DHX57: variants seen among roughly 807,000 people sequenced by gnomAD.
The protein encoded by DHX57 is DExH-box helicase 57.
Under a neutral mutation model 156.2 loss-of-function variants are expected in DHX57, and 105 were observed. The observed-to-expected ratio is 0.67, with a 90% CI of 0.57 to 0.79. The LOEUF (loss-of-function observed/expected upper bound fraction) is 0.79. DHX57 is among the 30% of genes least tolerant of loss of function. The pLI is 0.00. For synonymous variants in DHX57, 704 were observed against 595.6 expected (o/e 1.18, Z -2.65); for missense variants, 1,847 against 1,661.9 (o/e 1.11, Z -1.94).
intron 9 of DHX57, among the ~76,000 whole-genome samples, chr2:38,848,868 AAG>A (rs1672429862): frequency 6.6e-6 from 1 of 152,214 alleles, no homozygotes; most frequent in Non-Finnish European, 1.5e-5. Context: ...GTCAGCACTC[AAG>A]AAGTTTCAGA....
chr2:38,848,199 T>C (rs1672389895), intron 10 of DHX57, 70 bp downstream of exon 10: 3 of 1,422,620 alleles, frequency 2.1e-6, no homozygotes, highest in Non-Finnish European at 2.8e-6. Flanking sequence ...TATCTACTTA[T>C]GTCTCAAACT....
intron 19 of DHX57, chr2:38,816,042 A>G (rs551903486): frequency 4.6e-5 from 21 of 459,024 alleles, no homozygotes; most frequent in South Asian, 3.3e-4. Flanking sequence ...GGCACTGTCT[A>G]CTACCTAGCT....
In DHX57 at chr2:38,868,354, C is replaced by T; in HGVS notation, c.52G>A (p.Gly18Arg). 6.2e-7 allele frequency: 1 copy of T among 1,613,854 alleles called. No homozygotes were observed. The highest frequency in any genetic ancestry group is 8.5e-7 in the Non-Finnish European group (1 of 1,180,026). The change falls in exon 2 of 24, where the codon GGG becomes AGG. Residue 18 changes from glycine to arginine, a missense_variant. Transcript: ENST00000457308. ...CCTCCTCTTCCTCCTCTAGAAGACC[C>T]TTTTCCACCTCCTTTGCCTGGCTTG... ...KGKPGKGGGK[G>R]SSRGGRGGRS...
chr2:38,799,966 T>A lies in DHX57; in HGVS notation c.4018-1524A>T, dbSNP rs142415458. Among the ~76,000 whole-genome samples the A allele has an allele frequency of 7.6e-3, 1,156 of 152,010 alleles. 9 individuals carry two copies. The highest frequency in any genetic ancestry group is 0.013 in the Non-Finnish European group (904 of 67,980). On this transcript the variant is annotated intron_variant, in intron 23 of 23. Coordinates refer to ENST00000457308, the MANE Select transcript of DHX57 (RefSeq NM_198963.3). Reference sequence around the variant, plus strand: ...ACTTTGGGAGGCCAAGGCGGGCAGATCACCTGAGGTCGGGAGTTCAAGACC... The same window carrying A: ...ACTTTGGGAGGCCAAGGCGGGCAGAACACCTGAGGTCGGGAGTTCAAGACC...
At position 38,803,996 on chromosome 2, in the gene DHX57, G is replaced by A. The variant is rs111763594; in HGVS notation, c.3817-1081C>T. 4.2e-3 allele frequency among the ~76,000 whole-genome samples: 643 copies of A among 152,122 alleles called. 2 individuals carry two copies. The highest frequency in any genetic ancestry group is 0.015 in the African/African-American group (604 of 41,490). On this transcript the variant is annotated intron_variant, in intron 22 of 23. Coordinates refer to ENST00000457308, the MANE Select transcript of DHX57 (RefSeq NM_198963.3). ...GGGGTTTCACCATGTTGGCCAGGCT[G>A]GTCTCAAACTCCTGACCTCAAGTCA... is the stretch of plus-strand genomic sequence containing the variant.
chr2:38,860,031 C>T (rs539002270), intron 5 of DHX57, among the ~76,000 whole-genome samples: 2 of 152,122 alleles, frequency 1.3e-5, no homozygotes, highest in East Asian at 1.9e-4. Flanking sequence ...GCTGCCCAGG[C>T]TGGTCTCAAA....
intron 11 of DHX57, among the ~76,000 whole-genome samples, chr2:38,845,869 T>G (rs1447952773): frequency 6.6e-6 from 1 of 151,222 alleles, no homozygotes; most frequent in Non-Finnish European, 1.5e-5. Context: ...AGCTAACTTT[T>G]TTTTTTTTTT....
At chr2:38,806,736 A>C in intron 21 of DHX57, 43 bp from the exon 22 acceptor site, 1 of 1,562,336 alleles carries the variant, frequency 6.4e-7, no homozygotes. Context: ...TAATATATAT[A>C]TTCTCATAGA....
At chr2:38,814,221 A>G (rs1347565050) in intron 20 of DHX57, among the ~76,000 whole-genome samples, 2 of 152,216 alleles carry the variant, frequency 1.3e-5, no homozygotes, top group Non-Finnish European at 2.9e-5. Context: ...TACAGGCGTG[A>G]GCCACTGCGT....
chr2:38,801,876 C>T (rs780552836), intron 23 of DHX57, among the ~76,000 whole-genome samples: 1 of 152,100 alleles, frequency 6.6e-6, no homozygotes, highest in Non-Finnish European at 1.5e-5. Context: ...GGATTACAGG[C>T]GTAAGCCACC....
At chr2:38,818,113 T>A (rs1015896547) in intron 19 of DHX57, among the ~76,000 whole-genome samples, 1 of 152,154 alleles carries the variant, frequency 6.6e-6, no homozygotes, top group Non-Finnish European at 1.5e-5. Context: ...GGATTAGAGA[T>A]GGCCATGGAC....
intron 21 of DHX57, among the ~76,000 whole-genome samples, chr2:38,809,244 C>T (rs1169370016): frequency 6.6e-6 from 1 of 152,066 alleles, no homozygotes; most frequent in Non-Finnish European, 1.5e-5. Flanking sequence ...CTCAGCCTCC[C>T]GAGTAGCTGG....
At chr2:38,809,611 G>T (rs1021439810) in intron 21 of DHX57, among the ~76,000 whole-genome samples, 1 of 148,056 alleles carries the variant, frequency 6.8e-6, no homozygotes, top group African/African-American at 2.5e-5. Context: ...ACAGGCACCC[G>T]CCACCATGCC....
chr2:38,802,968 G>A, intron 22 of DHX57, 53 bp from the exon 23 acceptor site: 1 of 1,599,662 alleles, frequency 6.3e-7, no homozygotes. Context: ...AACAAAAAGG[G>A]AACAACCCCC....
intron 17 of DHX57, among the ~76,000 whole-genome samples, chr2:38,822,154 C>G (rs1490711189): frequency 6.6e-6 from 1 of 152,064 alleles, no homozygotes; most frequent in Non-Finnish European, 1.5e-5. Context: ...GCGCGACTGG[C>G]TCATTGCAAC....
chr2:38,846,316 G>C (rs1264964882), intron 11 of DHX57, among the ~76,000 whole-genome samples: 1 of 152,112 alleles, frequency 6.6e-6, no homozygotes, highest in Non-Finnish European at 1.5e-5. Flanking sequence ...TAAGCTACTT[G>C]CCAAAGTTAT....
chr2:38,838,653 C>T, intron 12 of DHX57: 1 of 328,140 alleles, frequency 3.0e-6, no homozygotes, highest in South Asian at 2.4e-5. Flanking sequence ...GCTGGAAGTC[C>T]AGGTAACACT....
intron 16 of DHX57, among the ~76,000 whole-genome samples, chr2:38,824,520 A>G (rs2148561440): frequency 6.6e-6 from 1 of 152,128 alleles, no homozygotes; most frequent in South Asian, 2.1e-4. Context: ...TATTCTTACC[A>G]TAATAAAAAC....
At chr2:38,856,116 G>C (rs1170335912) in intron 7 of DHX57, among the ~76,000 whole-genome samples, 1 of 152,128 alleles carries the variant, frequency 6.6e-6, no homozygotes, top group Non-Finnish European at 1.5e-5. Context: ...AAATTCAGAA[G>C]ATAAAAAGCT....
Sources: gnomAD v4.1 joint callset for allele counts (sites outside exome capture counted in the v4.1 genomes callset) on GRCh38, gnomAD v4.1.1 for gene constraint, MANE v1.5 for transcripts, NCBI Gene and HGNC (gene_info 2026-07-23, HGNC 2026-07-21) for gene names.